Variants in IQSEC1 observed in about 807,000 individuals in gnomAD.
IQSEC1 encodes IQ motif and Sec7 domain ArfGEF 1.
In IQSEC1, 31 loss-of-function variants were observed where a neutral mutation model predicts 91.0. The observed-to-expected ratio is 0.34, with a 90% CI of 0.26 to 0.46. The LOEUF (loss-of-function observed/expected upper bound fraction) is 0.46. Ranked by LOEUF, IQSEC1 falls within the 20% of genes least tolerant of loss-of-function variation. The probability of loss-of-function intolerance (pLI) is 1.00; values close to 1 mark genes in which losing one functional copy is unlikely to be tolerated. For synonymous variants in IQSEC1, 699 were observed against 662.6 expected (o/e 1.05, Z -0.84); for missense variants, 1,388 against 1,575.6 (o/e 0.88, Z 2.02).
rs113427702 is a variant in IQSEC1 at position 13,248,401 on chromosome 3, C to T, written c.272+34310G>A. Among the ~76,000 whole-genome samples the T allele has an allele frequency of 4.1e-3, 632 of 152,320 alleles. 8 individuals are homozygous for T. The highest frequency in any genetic ancestry group is 0.014 in the African/African-American group (594 of 41,572). On this transcript the variant is annotated intron_variant, in intron 1 of 15. Transcript: ENST00000648114. Reference sequence around the variant, plus strand: ...CCTCCCACCTGACTCCCACCTGTGCCCAGGTCCTGGGAAAACTAGAGTCCC... The same window carrying T: ...CCTCCCACCTGACTCCCACCTGTGCTCAGGTCCTGGGAAAACTAGAGTCCC...
chr3:12,926,308 TCA>T lies in IQSEC1; in HGVS notation c.1569-1568_1569-1567del, dbSNP rs1491371658. Among the ~76,000 whole-genome samples the T allele has an allele frequency of 2.3e-4, 12 of 51,706 alleles. No homozygotes were observed. The South Asian group carries it at 3.8e-3, about 16-fold the overall frequency. The allele number at this position is 51,706 out of a possible 152,430, so 33.9% of individuals were successfully genotyped here. A position where few individuals can be genotyped will look rare whatever the true frequency, so the allele number is the denominator to read the frequency against. On this transcript the variant is annotated intron_variant, in intron 3 of 13. Coordinates refer to ENST00000613206, the MANE Select transcript of IQSEC1 (RefSeq NM_001134382.3). ...CTGGGCGACAGAGCAAGACTCCATG[TCA>T]AAAAAAAAAAAAACAAAAAAGGAGA...
rs1287936195 is a variant in IQSEC1, at chr3:13,193,506, A to G, written c.273-29373T>C. 6.6e-6 allele frequency among the ~76,000 whole-genome samples: 1 copy of G among 152,134 alleles called. No individual in the cohort carries two copies. Among genetic ancestry groups the G allele is most frequent in the African/African-American group, 2.4e-5 (1 of 41,414 alleles). On this transcript the variant is annotated intron_variant, in intron 1 of 15. Coordinates refer to the IQSEC1 transcript ENST00000648114. This position sits in a 1 kb window ranked among gnomAD's most constrained non-coding sequence, Gnocchi z 4.2. ...GGACGGTCGGGTGGTGACTGGGAACAAGGCACAGAGGGGACGAAGAGGAGT... is the reference window on the plus strand; with the variant it reads ...GGACGGTCGGGTGGTGACTGGGAACGAGGCACAGAGGGGACGAAGAGGAGT...
Position 12,922,050 on chromosome 3 carries a change from T to C in IQSEC1, c.1853+70A>G. 1 of 1,492,948 alleles carries C rather than the reference T, an allele frequency of 6.7e-7. No individual in the cohort carries two copies. 92.5% of individuals were successfully genotyped at this position (1,492,948 alleles called of 1,614,324 possible). ...TGGTGGGGATGCAGTCTTTGGTCCA[T>C]CCTCGGGCCCTGAAGCTGGGGGACA... On this transcript the variant is annotated intron_variant, in intron 5 of 13. Transcript: ENST00000613206. This position sits in a 1 kb window ranked among gnomAD's most constrained non-coding sequence, Gnocchi z 5.1.
intron 1 of IQSEC1, among the ~76,000 whole-genome samples, chr3:13,016,550 T>C (rs1233641091): frequency 6.6e-6 from 1 of 152,182 alleles, no homozygotes; most frequent in Admixed American, 6.5e-5. Context: ...CCACGGGGAC[T>C]GCTCCTCCCG....
At chr3:13,175,925 T>A (rs1559270412) in intron 1 of IQSEC1, among the ~76,000 whole-genome samples, 1 of 152,190 alleles carries the variant, frequency 6.6e-6, no homozygotes, top group Non-Finnish European at 1.5e-5. Flanking sequence ...CCTACCACCA[T>A]CACCTGGGTA....
chr3:13,018,005 C>A (rs376475094), intron 1 of IQSEC1, among the ~76,000 whole-genome samples: 1 of 152,164 alleles, frequency 6.6e-6, no homozygotes, highest in African/African-American at 2.4e-5. Context: ...CTCAGGGAGT[C>A]CTGGTCTCTG....
At chr3:13,119,222 A>T (rs906323889) in intron 2 of IQSEC1, among the ~76,000 whole-genome samples, 1 of 152,224 alleles carries the variant, frequency 6.6e-6, no homozygotes, top group Non-Finnish European at 1.5e-5. Context: ...CTTAAATAAT[A>T]AGAATTTAAA....
rs570554694 is a variant in IQSEC1 at position 13,126,033 on chromosome 3, T to TTTG, written c.302+38068_302+38070dup. ...CTTTCATTTGTGTCCTGAAGCTGGT[T>TTTG]TTGTTGTTGTTGTTGTTGTTTTTAA... On this transcript the variant is annotated intron_variant, in intron 2 of 15. Coordinates refer to the IQSEC1 transcript ENST00000648114. 2.6e-3 allele frequency among the ~76,000 whole-genome samples: 397 copies of TTTG among 152,274 alleles called. 5 individuals are homozygous for TTTG. The highest frequency in any genetic ancestry group is 9.3e-3 in the African/African-American group (385 of 41,532).
At chr3:13,037,374 A>G (rs995517599) in intron 1 of IQSEC1, among the ~76,000 whole-genome samples, 2 of 152,196 alleles carry the variant, frequency 1.3e-5, no homozygotes, top group African/African-American at 4.8e-5. Context: ...AATGTCGAAA[A>G]ATGGGACATC....
intron 1 of IQSEC1, among the ~76,000 whole-genome samples, chr3:13,267,167 C>G (rs1396946170): frequency 1.3e-5 from 2 of 152,180 alleles, no homozygotes; most frequent in Non-Finnish European, 2.9e-5. Flanking sequence ...GCCCAGAAAG[C>G]TCCTCGCCTC....
chr3:13,053,050 G>A, intron 1 of IQSEC1: 1 of 1,104,086 alleles, frequency 9.1e-7, no homozygotes, highest in Non-Finnish European at 1.4e-6. Context: ...CGAATCCACG[G>A]GGGAATGGGA....
At chr3:13,194,010 C>T (rs1243717637) in intron 1 of IQSEC1, among the ~76,000 whole-genome samples, 3 of 152,150 alleles carry the variant, frequency 2.0e-5, no homozygotes, top group Non-Finnish European at 2.9e-5. Flanking sequence ...CTTGGCTGGC[C>T]GACAGCCCCC....
intron 2 of IQSEC1, among the ~76,000 whole-genome samples, chr3:13,164,050 C>T (rs1365905597): frequency 3.9e-5 from 6 of 152,182 alleles, no homozygotes; most frequent in Admixed American, 1.3e-4. Context: ...GTTTCATCAA[C>T]GCCGCTCACC....
At chr3:13,039,256 T>G (rs940605478) in intron 1 of IQSEC1, among the ~76,000 whole-genome samples, 1 of 152,228 alleles carries the variant, frequency 6.6e-6, no homozygotes, top group Non-Finnish European at 1.5e-5. Flanking sequence ...GAAGATTTCT[T>G]TCCGTTTGCT....
chr3:12,918,447 C>T (rs1269603701), intron 6 of IQSEC1, among the ~76,000 whole-genome samples: 1 of 152,160 alleles, frequency 6.6e-6, no homozygotes, highest in African/African-American at 2.4e-5. Flanking sequence ...TACTCTAGGC[C>T]AGTCATTTCT....
chr3:13,135,056 C>T (rs565556672), intron 2 of IQSEC1, among the ~76,000 whole-genome samples: 1 of 152,064 alleles, frequency 6.6e-6, no homozygotes, highest in South Asian at 2.1e-4. Context: ...TGGTAAGCAC[C>T]GTGCATGCAG....
chr3:13,032,957 G>C (rs552220273), intron 1 of IQSEC1, among the ~76,000 whole-genome samples: 1 of 152,170 alleles, frequency 6.6e-6, no homozygotes, highest in Non-Finnish European at 1.5e-5. Flanking sequence ...AGCTCTGCAG[G>C]GCACACGAGG....
chr3:13,092,752 A>G (rs1161738668), intron 2 of IQSEC1, among the ~76,000 whole-genome samples: 1 of 152,164 alleles, frequency 6.6e-6, no homozygotes, highest in Non-Finnish European at 1.5e-5. Flanking sequence ...CAGTCCACCA[A>G]CATTCAGGCC....
chr3:13,247,456 G>T (rs748549895), intron 1 of IQSEC1, among the ~76,000 whole-genome samples: 3 of 152,094 alleles, frequency 2.0e-5, no homozygotes, highest in African/African-American at 7.2e-5. Flanking sequence ...CTCCCTCATC[G>T]CCCCCCTTGG....
Sources: allele counts gnomAD v4.1 joint callset (sites outside exome capture counted in the v4.1 genomes callset), GRCh38; gene constraint gnomAD v4.1.1; non-coding constraint Gnocchi (gnomAD v3.1); transcripts MANE v1.5; gene names NCBI Gene and HGNC (gene_info 2026-07-23, HGNC 2026-07-21).